Variants in FGF12 observed in about 807,000 individuals in gnomAD.
The protein encoded by FGF12 is fibroblast growth factor 12B.
In FGF12, 14 loss-of-function variants were observed where a neutral mutation model predicts 23.6. The ratio of observed to expected loss-of-function variants is 0.59; its 90% CI spans 0.39 to 0.93. The LOEUF (loss-of-function observed/expected upper bound fraction) is 0.93. Ranked by LOEUF, FGF12 falls within the 40% of genes least tolerant of loss-of-function variation. The pLI is 0.00. For missense variants in FGF12, 175 were observed against 217.8 expected (o/e 0.80, Z 1.24); for synonymous variants, 62 against 77.3 (o/e 0.80, Z 1.04).
In FGF12 at chr3:192,409,215, G is replaced by T. The variant is rs1295318701; in HGVS notation, c.14-48677C>A. Among the ~76,000 whole-genome samples, 2 of 152,218 alleles carry T rather than the reference G, an allele frequency of 1.3e-5. No individual in the cohort carries two copies. Among genetic ancestry groups the T allele is most frequent in the Non-Finnish European group, 2.9e-5 (2 of 68,046 alleles). Reference sequence around the variant, plus strand: ...TGCTTTCCGGCACGAGACGGGCACAGTTGGTGATTATTTAGGGAATCCTAA... The same window carrying T: ...TGCTTTCCGGCACGAGACGGGCACATTTGGTGATTATTTAGGGAATCCTAA... On this transcript the variant is annotated intron_variant, in intron 2 of 5. Transcript: ENST00000445105. The surrounding 1 kb of genome is among the most constrained non-coding windows in gnomAD (Gnocchi z 4.8).
At chr3:192,171,616 A>T (rs1262365362) in intron 4 of FGF12, among the ~76,000 whole-genome samples, 1 of 152,244 alleles carries the variant, frequency 6.6e-6, no homozygotes, top group Non-Finnish European at 1.5e-5. Flanking sequence ...TTCTGAGATC[A>T]GCAGAAGAAA....
intron 2 of FGF12, among the ~76,000 whole-genome samples, chr3:192,670,163 C>A (rs920552894): frequency 6.6e-6 from 1 of 152,064 alleles, no homozygotes; most frequent in African/African-American, 2.4e-5. Context: ...AGTAGATTGA[C>A]AATCCAGCTG....
In FGF12 at chr3:192,409,318, C is replaced by T. The variant is rs2108777143; in HGVS notation, c.14-48780G>A. ...GAAGGTGTCCTCTCCAGCTCGGCGC[C>T]CACACGCCTTTAACTGGAGCTCCCC... On this transcript the variant is annotated intron_variant, in intron 2 of 5. Coordinates refer to ENST00000445105, the MANE Select transcript of FGF12 (RefSeq NM_004113.6). This position sits in a 1 kb window ranked among gnomAD's most constrained non-coding sequence, Gnocchi z 4.8. 6.6e-6 allele frequency among the ~76,000 whole-genome samples: 1 copy of T among 152,314 alleles called. No individual in the cohort carries two copies. The highest frequency in any genetic ancestry group is 1.9e-4 in the East Asian group (1 of 5,154).
intron 4 of FGF12, among the ~76,000 whole-genome samples, chr3:192,289,757 A>T (rs1304540082): frequency 6.6e-6 from 1 of 152,210 alleles, no homozygotes; most frequent in African/African-American, 2.4e-5. Flanking sequence ...TAAATAAAGC[A>T]CTTGGTACAT....
At chr3:192,216,336 C>T (rs773525749) in intron 4 of FGF12, among the ~76,000 whole-genome samples, 24 of 152,090 alleles carry the variant, frequency 1.6e-4, no homozygotes, top group Admixed American at 2.0e-4. Context: ...GAGGTTATTC[C>T]CTGCCACCCA....
At chr3:192,155,512 C>T (rs1171228639) in intron 5 of FGF12, among the ~76,000 whole-genome samples, 1 of 152,102 alleles carries the variant, frequency 6.6e-6, no homozygotes, top group Admixed American at 6.5e-5. Context: ...CGATCTAAAA[C>T]ATGTTCTTTT....
intron 2 of FGF12, among the ~76,000 whole-genome samples, chr3:192,515,696 A>G (rs1377406429): frequency 1.3e-5 from 2 of 152,172 alleles, no homozygotes; most frequent in African/African-American, 2.4e-5. Context: ...GAGGCGAGAA[A>G]TCTGAAGACA....
intron 4 of FGF12, among the ~76,000 whole-genome samples, chr3:192,309,574 T>C (rs1418943913): frequency 2.3e-4 from 35 of 152,222 alleles, no homozygotes; most frequent in Admixed American, 2.0e-3. Context: ...CAGAAAGCTA[T>C]GGAAGAATAA....
chr3:192,534,565 T>C (rs1206615708), intron 2 of FGF12, among the ~76,000 whole-genome samples: 11 of 152,108 alleles, frequency 7.2e-5, no homozygotes, highest in Non-Finnish European at 1.6e-4. Flanking sequence ...CTAATTTTTG[T>C]ATTTTTAGAA....
Position 192,179,805 on chromosome 3 carries a change from C to T in FGF12, c.229-9149G>A, listed in dbSNP as rs565230324. Among the ~76,000 whole-genome samples, 23 of 152,110 alleles carry T rather than the reference C, an allele frequency of 1.5e-4. 1 individual carries two copies. In the South Asian group the frequency reaches 4.4e-3, roughly 29 times the overall value. On this transcript the variant is annotated intron_variant, in intron 4 of 5. Transcript: ENST00000445105. ...AAGGGATCTGCCTGCTTTGGCCTCCCGGGGTGCTGGGAATACAACCATGAG... is the reference window on the plus strand; with the variant it reads ...AAGGGATCTGCCTGCTTTGGCCTCCTGGGGTGCTGGGAATACAACCATGAG...
Position 192,581,482 on chromosome 3 carries a change from G to GTATATATA in FGF12, c.13+145698_13+145699insTATATATA, listed in dbSNP as rs1462363553. Among the ~76,000 whole-genome samples, 52 of 72,776 alleles carry GTATATATA rather than the reference G, an allele frequency of 7.1e-4. 1 individual carries two copies. The East Asian group carries it at 0.015, about 20-fold the overall frequency. 47.7% of individuals were successfully genotyped at this position (72,776 alleles called of 152,430 possible). A position where few individuals can be genotyped will look rare whatever the true frequency, so the allele number is the denominator to read the frequency against. ...TATATATATGTATATATATGTGTGT[G>GTATATATA]TGTGTATATATATATATATATATAT... On this transcript the variant is annotated intron_variant, in intron 2 of 5. Coordinates refer to ENST00000445105, the MANE Select transcript of FGF12 (RefSeq NM_004113.6).
chr3:192,225,134 C>G (rs139706917), intron 4 of FGF12, among the ~76,000 whole-genome samples: 60 of 152,160 alleles, frequency 3.9e-4, no homozygotes, highest in Middle Eastern at 3.4e-3. Context: ...AACATCTCCC[C>G]CTGGATATTC....
Position 192,142,152 on chromosome 3 carries a change from C to T in FGF12, c.*1857G>A, listed in dbSNP as rs1713430663. 1 of 152,516 alleles carries T rather than the reference C, an allele frequency of 6.6e-6. No individual in the cohort carries two copies. The highest frequency in any genetic ancestry group is 2.4e-5 in the African/African-American group (1 of 41,438). The allele number at this position is 152,516 out of a possible 1,614,324, so 9.4% of individuals were successfully genotyped here. On this transcript the variant is annotated 3_prime_UTR_variant, in exon 6 of 6. Transcript: ENST00000445105. ...AATGTATCTTCAAAATCTTTGCCTA[C>T]ATGCATACAATTTGTTCTTCCCAAC...
chr3:192,313,973 T>TA (rs1338016997), intron 4 of FGF12, among the ~76,000 whole-genome samples: 1 of 152,052 alleles, frequency 6.6e-6, no homozygotes, highest in Non-Finnish European at 1.5e-5. Context: ...GTCATAAGAG[T>TA]AAAGTCCTCA....
At chr3:192,299,702 A>G (rs796284336) in intron 4 of FGF12, among the ~76,000 whole-genome samples, 8 of 152,296 alleles carry the variant, frequency 5.3e-5, no homozygotes, top group African/African-American at 1.9e-4. Flanking sequence ...AATTCTTGTT[A>G]ATTAAATATT....
chr3:192,242,517 A>G (rs1344115232), intron 4 of FGF12, among the ~76,000 whole-genome samples: 1 of 152,192 alleles, frequency 6.6e-6, no homozygotes, highest in African/African-American at 2.4e-5. Flanking sequence ...CAAACACCCA[A>G]TATAAGAAAT....
intron 2 of FGF12, among the ~76,000 whole-genome samples, chr3:192,677,148 T>G (rs966116985): frequency 6.6e-6 from 1 of 152,094 alleles, no homozygotes; most frequent in Non-Finnish European, 1.5e-5. Context: ...AGTCCACACC[T>G]CAACACATAC....
At chr3:192,438,401 A>G (rs936297627) in intron 2 of FGF12, among the ~76,000 whole-genome samples, 2 of 152,242 alleles carry the variant, frequency 1.3e-5, no homozygotes, top group African/African-American at 4.8e-5. Flanking sequence ...AGAAGGTATA[A>G]ATGGATACAA....
At chr3:192,508,908 C>A (rs1350886860) in intron 2 of FGF12, among the ~76,000 whole-genome samples, 1 of 152,100 alleles carries the variant, frequency 6.6e-6, no homozygotes, top group Non-Finnish European at 1.5e-5. Context: ...AACATTAAAT[C>A]AAGTAAGGGT....
Sources: allele counts gnomAD v4.1 joint callset (sites outside exome capture counted in the v4.1 genomes callset), GRCh38; gene constraint gnomAD v4.1.1; non-coding constraint Gnocchi (gnomAD v3.1); transcripts MANE v1.5; gene names NCBI Gene and HGNC (gene_info 2026-07-23, HGNC 2026-07-21).